RGL1: variants seen among roughly 807,000 people sequenced by gnomAD.
RGL1 encodes the protein ral guanine nucleotide dissociation stimulator like 1, also known as ral guanine nucleotide dissociation stimulator-like 1.
Under a neutral mutation model 95.2 loss-of-function variants are expected in RGL1, and 24 were observed. The ratio of observed to expected loss-of-function variants is 0.25; its 90% CI spans 0.18 to 0.35. The LOEUF (loss-of-function observed/expected upper bound fraction) is 0.35. Among genes scored for constraint, RGL1 ranks in the 10% least tolerant of loss-of-function variants. RGL1 has a pLI of 1.00. For synonymous variants in RGL1, 329 were observed against 344.9 expected (o/e 0.95, Z 0.51); for missense variants, 715 against 936.3 (o/e 0.76, Z 3.08).
intron 2 of RGL1, among the ~76,000 whole-genome samples, chr1:183,752,035 T>C (rs1469930557): frequency 6.6e-6 from 1 of 152,128 alleles, no homozygotes; most frequent in Non-Finnish European, 1.5e-5. Flanking sequence ...CATATCTTAT[T>C]TTTGCCCATA....
At chr1:183,892,218 A>G (rs1667466678) in intron 9 of RGL1, 57 bp downstream of exon 9, 1 of 1,298,996 alleles carries the variant, frequency 7.7e-7, no homozygotes, top group Non-Finnish European at 1.1e-6. Flanking sequence ...GAATCCATTC[A>G]AGGAAGAGTA....
chr1:183,711,350 G>A (rs532997825), intron 1 of RGL1, among the ~76,000 whole-genome samples: 46 of 152,254 alleles, frequency 3.0e-4, no homozygotes, highest in African/African-American at 1.0e-3. Flanking sequence ...CCTGGATGTA[G>A]TTCAATGACA....
intron 1 of RGL1, among the ~76,000 whole-genome samples, chr1:183,670,700 T>C (rs1294110429): frequency 6.6e-6 from 1 of 152,258 alleles, no homozygotes; most frequent in Non-Finnish European, 1.5e-5. Context: ...TTTCTGATGG[T>C]TCTAAGAAGA....
At chr1:183,749,529 G>T (rs1657863934) in intron 2 of RGL1, among the ~76,000 whole-genome samples, 2 of 152,154 alleles carry the variant, frequency 1.3e-5, no homozygotes, top group African/African-American at 4.8e-5. Flanking sequence ...TCCAGTCTGT[G>T]TCTTTTAATT....
chr1:183,726,942 T>A (rs1486504261), intron 1 of RGL1, among the ~76,000 whole-genome samples: 1 of 152,156 alleles, frequency 6.6e-6, no homozygotes, highest in Non-Finnish European at 1.5e-5. Flanking sequence ...TTTTTGGATT[T>A]GGAATGTTCA....
intron 1 of RGL1, among the ~76,000 whole-genome samples, chr1:183,690,985 T>C (rs942697496): frequency 1.1e-4 from 16 of 152,180 alleles, no homozygotes; most frequent in Non-Finnish European, 1.6e-4. Context: ...TATATCCTGA[T>C]TGGGGTTCAC....
At chr1:183,770,216 G>A (rs546495254) in intron 2 of RGL1, among the ~76,000 whole-genome samples, 1 of 152,174 alleles carries the variant, frequency 6.6e-6, no homozygotes, top group Non-Finnish European at 1.5e-5. Flanking sequence ...AGATCCTGCT[G>A]TCTGTTACCC....
chr1:183,899,695 A>G lies in RGL1; in HGVS notation c.1231-455A>G, dbSNP rs534155948. Among the ~76,000 whole-genome samples, 44 of 152,222 alleles carry G rather than the reference A, an allele frequency of 2.9e-4. No homozygotes were observed. In the South Asian group the frequency reaches 7.9e-3, roughly 27 times the overall value. ...CTCTTTCCCTCCTCTATTATTTGAG[A>G]GTTAGTCACCAAGTCTAGCCCAAGG... On this transcript the variant is annotated intron_variant, in intron 10 of 17. Coordinates refer to ENST00000360851, the MANE Select transcript of RGL1 (RefSeq NM_001297671.3).
upstream of RGL1, among the ~76,000 whole-genome samples, chr1:183,804,444 T>C (rs754494959): frequency 3.1e-4 from 47 of 152,204 alleles, no homozygotes; most frequent in Non-Finnish European, 5.3e-4. Flanking sequence ...GAAGAACTTT[T>C]CCCTGTGGCT....
intron 3 of RGL1, among the ~76,000 whole-genome samples, chr1:183,858,830 G>A (rs1665328621): frequency 6.6e-6 from 1 of 152,118 alleles, no homozygotes; most frequent in Non-Finnish European, 1.5e-5. Context: ...TTGAGTTTTT[G>A]TAAGCTATAG....
intron 2 of RGL1, among the ~76,000 whole-genome samples, chr1:183,767,656 TA>T (rs1659049850): frequency 6.6e-6 from 1 of 152,032 alleles, no homozygotes; most frequent in African/African-American, 2.4e-5. Context: ...TCAACAATAT[TA>T]AAAAAGAATT....
chr1:183,692,555 G>T (rs1227974246), intron 1 of RGL1, among the ~76,000 whole-genome samples: 1 of 152,214 alleles, frequency 6.6e-6, no homozygotes, highest in African/African-American at 2.4e-5. Context: ...GGAATTAAAA[G>T]TCATGGTTCA....
chr1:183,753,038 T>C (rs913085947), intron 2 of RGL1, among the ~76,000 whole-genome samples: 7 of 152,208 alleles, frequency 4.6e-5, no homozygotes, highest in Non-Finnish European at 1.0e-4. Flanking sequence ...TTCATCCGTC[T>C]GGAAATATCT....
intron 17 of RGL1, among the ~76,000 whole-genome samples, chr1:183,922,986 T>G (rs1473612041): frequency 6.6e-6 from 1 of 152,206 alleles, no homozygotes; most frequent in Non-Finnish European, 1.5e-5. Flanking sequence ...TGTCTGCTAA[T>G]ATGAATTTGG....
chr1:183,727,808 G>A (rs1327073551), intron 1 of RGL1, among the ~76,000 whole-genome samples: 1 of 152,114 alleles, frequency 6.6e-6, no homozygotes, highest in Non-Finnish European at 1.5e-5. Flanking sequence ...ATAAACAGAT[G>A]GAAATTTTAA....
intron 2 of RGL1, among the ~76,000 whole-genome samples, chr1:183,758,198 AT>A (rs56900976): frequency 9.8e-4 from 141 of 144,020 alleles, no homozygotes; most frequent in South Asian, 1.1e-3. Flanking sequence ...AAACGATAGA[AT>A]TTTTTTTTTT....
upstream of RGL1, among the ~76,000 whole-genome samples, chr1:183,803,678 A>G (rs1044523463): frequency 2.6e-5 from 4 of 152,220 alleles, no homozygotes; most frequent in Admixed American, 6.5e-5. Context: ...GCCAAAAATC[A>G]GGTTAAAGTA....
At chr1:183,848,093 T>C (rs1664565530) in intron 3 of RGL1, among the ~76,000 whole-genome samples, 1 of 152,222 alleles carries the variant, frequency 6.6e-6, no homozygotes, top group Admixed American at 6.5e-5. Flanking sequence ...TATTATTCAG[T>C]AAATAATCAG....
At chr1:183,647,510 A>G in intron 1 of RGL1, 1 of 1,131,092 alleles carries the variant, frequency 8.8e-7, no homozygotes, top group Non-Finnish European at 1.2e-6. Flanking sequence ...TTATGTTTAA[A>G]ATAGTGTAAC....
Sources: allele counts gnomAD v4.1 joint callset (sites outside exome capture counted in the v4.1 genomes callset), GRCh38; gene constraint gnomAD v4.1.1; transcripts MANE v1.5; gene names NCBI Gene and HGNC (gene_info 2026-07-23, HGNC 2026-07-21).